RCAN2: variants seen among roughly 807,000 people sequenced by gnomAD.
RCAN2 encodes calcipressin-2.
RCAN2 carries 9 observed loss-of-function variants against 23.6 expected under a neutral mutation model. The ratio of observed to expected loss-of-function variants is 0.38; its 90% CI spans 0.23 to 0.67. RCAN2 has a LOEUF of 0.67. Among genes scored for constraint, RCAN2 ranks in the 30% least tolerant of loss-of-function variants. The pLI is 0.51. For synonymous variants in RCAN2, 109 were observed against 115.7 expected (o/e 0.94, Z 0.37); for missense variants, 273 against 302.3 (o/e 0.90, Z 0.72).
intron 1 of RCAN2, among the ~76,000 whole-genome samples, chr6:46,477,397 T>C (rs561574542): frequency 2.1e-4 from 32 of 152,272 alleles, no homozygotes; most frequent in African/African-American, 6.3e-4. Flanking sequence ...TAGAATCAAA[T>C]TGTATAAAAA....
chr6:46,289,582 T>C (rs1762476714), intron 2 of RCAN2, among the ~76,000 whole-genome samples: 1 of 152,226 alleles, frequency 6.6e-6, no homozygotes, highest in Admixed American at 6.5e-5. Flanking sequence ...ACAGACAGTA[T>C]GTAAGATGAC....
intron 2 of RCAN2, among the ~76,000 whole-genome samples, chr6:46,262,918 T>G (rs1004300889): frequency 1.3e-5 from 2 of 152,214 alleles, no homozygotes; most frequent in Non-Finnish European, 2.9e-5. Flanking sequence ...CTAGCTCATA[T>G]CTCAAATCCA....
chr6:46,318,632 C>G (rs373862759), intron 2 of RCAN2, among the ~76,000 whole-genome samples: 1 of 151,852 alleles, frequency 6.6e-6, no homozygotes, highest in Non-Finnish European at 1.5e-5. Context: ...GTTAAAAGCA[C>G]GCAATTACCA....
chr6:46,404,460 C>T (rs913725929), intron 2 of RCAN2, among the ~76,000 whole-genome samples: 22 of 152,176 alleles, frequency 1.4e-4, no homozygotes, highest in Non-Finnish European at 2.8e-4. Context: ...AAACCCTACT[C>T]TTGTTAACAT....
intron 2 of RCAN2, among the ~76,000 whole-genome samples, chr6:46,373,586 C>A (rs979299740): frequency 6.6e-6 from 1 of 152,074 alleles, no homozygotes; most frequent in African/African-American, 2.4e-5. Flanking sequence ...ATTAACAAGT[C>A]CTTAAGCAGG....
intron 2 of RCAN2, among the ~76,000 whole-genome samples, chr6:46,333,712 T>A (rs189822606): frequency 6.6e-6 from 1 of 152,358 alleles, no homozygotes; most frequent in African/African-American, 2.4e-5. Context: ...TAAGATGTGA[T>A]TATCTCAGTG....
In RCAN2 at chr6:46,288,070, C is replaced by A. The variant is rs6915263; in HGVS notation, c.226-39174G>T. Among the ~76,000 whole-genome samples the A allele has an allele frequency of 5.4e-3, 825 of 152,264 alleles. 5 individuals carry two copies. The highest frequency in any genetic ancestry group is 0.018 in the African/African-American group (760 of 41,544). ...TTCATCCAATGAATATATTCCTGAG[C>A]GTTCTTCCTAATTAAGGACTTAAAT... On this transcript the variant is annotated intron_variant, in intron 2 of 4. Transcript: ENST00000371374.
intron 4 of RCAN2, among the ~76,000 whole-genome samples, chr6:46,232,131 A>G (rs751537126): frequency 6.6e-6 from 1 of 152,252 alleles, no homozygotes; most frequent in Non-Finnish European, 1.5e-5. Context: ...GAAGGAGATG[A>G]CTGCCTGATC....
intron 2 of RCAN2, among the ~76,000 whole-genome samples, chr6:46,273,119 T>A (rs1767570951): frequency 1.3e-5 from 2 of 152,220 alleles, no homozygotes; most frequent in Admixed American, 1.3e-4. Context: ...GTATTTTGAA[T>A]TTCAGGAGTT....
chr6:46,275,736 C>T lies in RCAN2; in HGVS notation c.226-26840G>A, dbSNP rs578159672. ...AGACACAGGCTCTTCTCCACTATTCCGTCTTAGAGCTTGGTTAATTTCTCA... is the reference window on the plus strand; with the variant it reads ...AGACACAGGCTCTTCTCCACTATTCTGTCTTAGAGCTTGGTTAATTTCTCA... On this transcript the variant is annotated intron_variant, in intron 2 of 4. Transcript: ENST00000371374. Among the ~76,000 whole-genome samples, 3 of 152,264 alleles carry T rather than the reference C, an allele frequency of 2.0e-5. No individual in the cohort carries two copies. The South Asian group carries it at 6.2e-4, about 32-fold the overall frequency.
chr6:46,240,938 C>T (rs966695407), intron 4 of RCAN2, among the ~76,000 whole-genome samples: 18 of 152,166 alleles, frequency 1.2e-4, no homozygotes, highest in Non-Finnish European at 2.1e-4. Flanking sequence ...TTTAAAAACC[C>T]TTCTCTGCAG....
intron 2 of RCAN2, among the ~76,000 whole-genome samples, chr6:46,353,351 G>C (rs562642521): frequency 6.6e-6 from 1 of 152,094 alleles, no homozygotes; most frequent in Non-Finnish European, 1.5e-5. Context: ...CTTTTTGGGT[G>C]TGGGGGAGGA....
intron 2 of RCAN2, among the ~76,000 whole-genome samples, chr6:46,252,165 A>G (rs188546132): frequency 4.0e-4 from 61 of 152,284 alleles, no homozygotes; most frequent in Admixed American, 1.1e-3. Flanking sequence ...ATACCAGACC[A>G]AATTAGTTAG....
At chr6:46,282,520 G>T (rs1762233899) in intron 2 of RCAN2, among the ~76,000 whole-genome samples, 1 of 151,850 alleles carries the variant, frequency 6.6e-6, no homozygotes, top group Non-Finnish European at 1.5e-5. Context: ...GGTCACACTG[G>T]TCAAGAGAAA....
chr6:46,414,079 C>T (rs1031634264), intron 2 of RCAN2, among the ~76,000 whole-genome samples: 5 of 152,094 alleles, frequency 3.3e-5, no homozygotes, highest in Middle Eastern at 3.2e-3. Flanking sequence ...GGACATGGTG[C>T]ATTAGAGACA....
At chr6:46,355,565 A>G (rs889165828) in intron 2 of RCAN2, among the ~76,000 whole-genome samples, 9 of 152,326 alleles carry the variant, frequency 5.9e-5, no homozygotes, top group Admixed American at 3.9e-4. Flanking sequence ...CTCAGACCCT[A>G]CAGCTTAAAA....
chr6:46,424,106 T>G (rs1258204976), intron 2 of RCAN2, among the ~76,000 whole-genome samples: 2 of 152,190 alleles, frequency 1.3e-5, no homozygotes, highest in African/African-American at 4.8e-5. Context: ...ACAAGGAAGT[T>G]TCATGAGCCC....
chr6:46,353,601 T>C (rs1415344891), intron 2 of RCAN2, among the ~76,000 whole-genome samples: 1 of 152,228 alleles, frequency 6.6e-6, no homozygotes, highest in Non-Finnish European at 1.5e-5. Context: ...TGTCCCTATT[T>C]AACCTTGCAG....
chr6:46,363,600 T>G (rs1765079261), intron 2 of RCAN2, among the ~76,000 whole-genome samples: 1 of 151,818 alleles, frequency 6.6e-6, no homozygotes, highest in Non-Finnish European at 1.5e-5. Context: ...CTGTTCTTAA[T>G]TATGAAAGCA....
Sources: allele counts gnomAD v4.1 joint callset (sites outside exome capture counted in the v4.1 genomes callset), GRCh38; gene constraint gnomAD v4.1.1; transcripts MANE v1.5; gene names NCBI Gene and HGNC (gene_info 2026-07-23, HGNC 2026-07-21).